VWA2: variants seen among roughly 807,000 people sequenced by gnomAD.
The protein encoded by VWA2 is von Willebrand factor A domain containing 2.
A neutral mutation model predicts 70.4 loss-of-function variants in VWA2; 73 were observed. The ratio of observed to expected loss-of-function variants is 1.04; its 90% CI spans 0.86 to 1.26. VWA2 has a LOEUF of 1.26. Among genes scored for constraint, VWA2 ranks in the 50% most tolerant of loss-of-function variants. The pLI, the probability that VWA2 is intolerant of heterozygous loss-of-function variation, is 0.00. For missense variants in VWA2, 1,011 were observed against 998.5 expected (o/e 1.01, Z -0.17); for synonymous variants, 407 against 423.3 (o/e 0.96, Z 0.47).
intron 12 of VWA2, 43 bp from the exon 13 acceptor site, chr10:114,290,197 C>A (rs1460603109): frequency 1.4e-5 from 21 of 1,546,714 alleles, no homozygotes; most frequent in Non-Finnish European, 1.7e-5. Context: ...CGGGTCTAAC[C>A]CATGCCTGGC....
At chr10:114,256,378 T>C (rs1437099589) in intron 4 of VWA2, among the ~76,000 whole-genome samples, 2 of 152,178 alleles carry the variant, frequency 1.3e-5, no homozygotes, top group Non-Finnish European at 2.9e-5. Context: ...TTACTTTCTA[T>C]GTAAAAGATA....
intron 9 of VWA2, among the ~76,000 whole-genome samples, chr10:114,283,955 C>T (rs1470409030): frequency 1.3e-5 from 2 of 152,254 alleles, no homozygotes; most frequent in Non-Finnish European, 2.9e-5. Flanking sequence ...AAGAAAATGC[C>T]AGTCCCAGTT....
At position 114,267,364 on chromosome 10, in the gene VWA2, G is replaced by A. The variant is rs544458777; in HGVS notation, c.372-5376G>A. ...ACTCCTGACCTCAGGTGATCCACCC[G>A]CTTCGGCCTCCCAAAGTGCTGGGAT... On this transcript the variant is annotated intron_variant, in intron 5 of 13. Coordinates refer to ENST00000392982, the MANE Select transcript of VWA2 (RefSeq NM_001272046.2). 1.2e-4 allele frequency among the ~76,000 whole-genome samples: 18 copies of A among 150,612 alleles called. 1 individual carries two copies. Among genetic ancestry groups the A allele is most frequent in the Non-Finnish European group, 2.4e-4 (16 of 67,648 alleles).
In VWA2 at chr10:114,294,249, T is replaced by A. The variant is rs1052497193; in HGVS notation, c.*3012T>A. 1.3e-5 allele frequency among the ~76,000 whole-genome samples: 2 copies of A among 152,250 alleles called. No individual in the cohort carries two copies. The highest frequency in any genetic ancestry group is 2.9e-5 in the Non-Finnish European group (2 of 68,034). On this transcript the variant is annotated 3_prime_UTR_variant, in exon 14 of 14. Coordinates refer to ENST00000392982, the MANE Select transcript of VWA2 (RefSeq NM_001272046.2). Reference sequence around the variant, plus strand: ...ATGAGATTTGTTTTCTTTTGCAATTTGTTTTGAATTTTTGGTATCAGAGCT... The same window carrying A: ...ATGAGATTTGTTTTCTTTTGCAATTAGTTTTGAATTTTTGGTATCAGAGCT...
At chr10:114,264,155 G>A (rs1224716938) in intron 5 of VWA2, among the ~76,000 whole-genome samples, 4 of 152,216 alleles carry the variant, frequency 2.6e-5, no homozygotes, top group Non-Finnish European at 5.9e-5. Context: ...CACTTCAGGA[G>A]AGTTAAAAAC....
chr10:114,285,820 G>A (rs1407657013), intron 10 of VWA2, 119 bp from the exon 11 acceptor site: 2 of 1,143,588 alleles, frequency 1.7e-6, no homozygotes, highest in Non-Finnish European at 1.2e-6. Flanking sequence ...CTTAAGCTTG[G>A]GGGGCCCACA....
chr10:114,249,799 A>G (rs1209906154), intron 2 of VWA2, among the ~76,000 whole-genome samples: 3 of 152,096 alleles, frequency 2.0e-5, no homozygotes, highest in African/African-American at 7.2e-5. Flanking sequence ...TGCAAATTGG[A>G]TCATGTCTGG....
At chr10:114,252,423 G>C (rs1290791069) in intron 2 of VWA2, among the ~76,000 whole-genome samples, 1 of 152,104 alleles carries the variant, frequency 6.6e-6, no homozygotes, top group African/African-American at 2.4e-5. Context: ...AGTTTAGTTT[G>C]CATGGGGGAC....
At chr10:114,279,265 A>G (rs1458831971) in intron 8 of VWA2, among the ~76,000 whole-genome samples, 1 of 152,100 alleles carries the variant, frequency 6.6e-6, no homozygotes, top group African/African-American at 2.4e-5. Flanking sequence ...AGGCTATGGG[A>G]TGCTGGGTTC....
rs1054783589 is a variant in VWA2, at chr10:114,291,907, A to C, written c.*670A>C. ...ATGATGGGGGAGGGGCTGAGTGTGC[A>C]ATGGGCCCAGGTCTGGAGGGGCCAC... On this transcript the variant is annotated 3_prime_UTR_variant, in exon 14 of 14. Transcript: ENST00000392982. Among the ~76,000 whole-genome samples, 1 of 152,266 alleles carries C rather than the reference A, an allele frequency of 6.6e-6. No homozygotes were observed. The highest frequency in any genetic ancestry group is 1.5e-5 in the Non-Finnish European group (1 of 68,014).
rs2039658905 is a variant in VWA2, at chr10:114,292,129, T to C, written c.*892T>C. ...TTGTCTTTACTAAAAATACAAAAGGTAGCCGGGGGTGGTGGTGGATGCCTA... is the reference window on the plus strand; with the variant it reads ...TTGTCTTTACTAAAAATACAAAAGGCAGCCGGGGGTGGTGGTGGATGCCTA... On this transcript the variant is annotated 3_prime_UTR_variant, in exon 14 of 14. Transcript: ENST00000392982. Among the ~76,000 whole-genome samples, 1 of 151,920 alleles carries C rather than the reference T, an allele frequency of 6.6e-6. No individual in the cohort carries two copies. The highest frequency in any genetic ancestry group is 1.5e-5 in the Non-Finnish European group (1 of 67,994).
intron 2 of VWA2, among the ~76,000 whole-genome samples, chr10:114,253,429 C>G (rs1341813742): frequency 7.1e-6 from 1 of 141,670 alleles, no homozygotes; most frequent in Admixed American, 7.1e-5. Context: ...TCTTTGTCTT[C>G]AAACTACCCA....
At chr10:114,275,934 CAAAAAT>C (rs911288948) in intron 6 of VWA2, among the ~76,000 whole-genome samples, 8 of 152,076 alleles carry the variant, frequency 5.3e-5, no homozygotes, top group African/African-American at 1.9e-4. Context: ...TCTCATAAAA[CAAAAAT>C]AAATTAATTA....
chr10:114,246,302 A>C, intron 1 of VWA2: 1 of 606,094 alleles, frequency 1.6e-6, no homozygotes. Context: ...GGAGTTCAAG[A>C]CCAGCCTGAT....
chr10:114,290,134 C>A, intron 12 of VWA2, 106 bp from the exon 13 acceptor site: 1 of 1,443,646 alleles, frequency 6.9e-7, no homozygotes, highest in Non-Finnish European at 9.3e-7. Flanking sequence ...CAAAGGGAGA[C>A]ATGACTCTAG....
intron 5 of VWA2, among the ~76,000 whole-genome samples, chr10:114,271,602 A>T (rs1327276785): frequency 7.3e-6 from 1 of 137,178 alleles, no homozygotes; most frequent in African/African-American, 3.2e-5. Context: ...TTGCATGAGA[A>T]GTAAAAACAC....
chr10:114,269,356 A>G (rs1271895816), intron 5 of VWA2, among the ~76,000 whole-genome samples: 2 of 152,188 alleles, frequency 1.3e-5, no homozygotes, highest in Admixed American at 1.3e-4. Flanking sequence ...CAGGGCGGGC[A>G]GATCACCTGA....
At chr10:114,268,590 AGT>A (rs2037626201) in intron 5 of VWA2, among the ~76,000 whole-genome samples, 1 of 152,160 alleles carries the variant, frequency 6.6e-6, no homozygotes, top group African/African-American at 2.4e-5. Flanking sequence ...CTATTCTCTG[AGT>A]GGGGTTTCCT....
In VWA2 at chr10:114,274,269, G is replaced by C. The variant is rs139840406; in HGVS notation, c.566+1335G>C. On this transcript the variant is annotated intron_variant, in intron 6 of 13. Coordinates refer to ENST00000392982, the MANE Select transcript of VWA2 (RefSeq NM_001272046.2). Reference sequence around the variant, plus strand: ...TTTATTGTGAGTAGGATGACAGACAGCCTTTGGAGGGTTTTAAGCAGGGGA... The same window carrying C: ...TTTATTGTGAGTAGGATGACAGACACCCTTTGGAGGGTTTTAAGCAGGGGA... Among the ~76,000 whole-genome samples the C allele has an allele frequency of 2.1e-4, 32 of 152,328 alleles. No individual in the cohort carries two copies. The East Asian group carries it at 6.2e-3, about 29-fold the overall frequency.
Sources: gnomAD v4.1 joint callset for allele counts (sites outside exome capture counted in the v4.1 genomes callset) on GRCh38, gnomAD v4.1.1 for gene constraint, MANE v1.5 for transcripts, NCBI Gene and HGNC (gene_info 2026-07-23, HGNC 2026-07-21) for gene names.